The following RAP1GDS1 variants were observed in gnomAD, a reference collection of about 807,000 sequenced individuals.
RAP1GDS1 encodes Rap1 GTPase-GDP dissociation stimulator 1, also known as RAP1, GTP-GDP dissociation stimulator 1.
RAP1GDS1 carries 35 observed loss-of-function variants against 71.1 expected under a neutral mutation model. That is an observed-to-expected ratio of 0.49 (90% CI 0.38 to 0.65). The LOEUF (loss-of-function observed/expected upper bound fraction) is 0.65. RAP1GDS1 is among the 30% of genes least tolerant of loss of function. The probability of loss-of-function intolerance (pLI) is 0.00; values close to 1 mark genes in which losing one functional copy is unlikely to be tolerated. For synonymous variants in RAP1GDS1, 229 were observed against 243.1 expected (o/e 0.94, Z 0.54); for missense variants, 663 against 706.1 (o/e 0.94, Z 0.69).
intron 12 of RAP1GDS1, 22 bp downstream of exon 12, chr4:98,421,416 T>G: frequency 1.3e-6 from 2 of 1,569,142 alleles, no homozygotes; most frequent in Non-Finnish European, 1.7e-6. Flanking sequence ...AGGAAACTGT[T>G]CACTAGAAAA....
chr4:98,323,935 G>A (rs879470930), intron 2 of RAP1GDS1, among the ~76,000 whole-genome samples: 1,393 of 139,022 alleles, frequency 0.01, 8 homozygotes, highest in Non-Finnish European at 0.014. Context: ...CAATCAGGCA[G>A]GAGAAGGAAA....
At chr4:98,378,740 A>T (rs1741544370) in intron 4 of RAP1GDS1, among the ~76,000 whole-genome samples, 1 of 151,872 alleles carries the variant, frequency 6.6e-6, no homozygotes, top group Admixed American at 6.6e-5. Flanking sequence ...TCATATTGTA[A>T]ACTTCTAGGA....
In RAP1GDS1 at chr4:98,418,754, T is replaced by C; in HGVS notation, c.1137T>C (p.His379=). 6.2e-7 allele frequency: 1 copy of C among 1,607,444 alleles called. No individual in the cohort carries two copies. The highest frequency in any genetic ancestry group is 1.1e-5 in the South Asian group (1 of 89,500). Residue 379 remains histidine, a synonymous_variant, in exon 10 of 15, where the codon CAT becomes CAC. Coordinates refer to ENST00000408927, the MANE Select transcript of RAP1GDS1 (RefSeq NM_001100427.2). ...HVEDGNVTVQ[H]AALSALRNLA... ...AAGATGGAAATGTAACAGTACAGCA[T>C]GCAGCACTAAGTGCCCTCAGAAACC... is the stretch of plus-strand genomic sequence containing the variant.
chr4:98,397,614 T>C (rs1035489258), intron 6 of RAP1GDS1, among the ~76,000 whole-genome samples: 9 of 152,214 alleles, frequency 5.9e-5, no homozygotes, highest in African/African-American at 2.2e-4. Flanking sequence ...CTTTGACATC[T>C]GAATCCTGGA....
intron 5 of RAP1GDS1, among the ~76,000 whole-genome samples, chr4:98,390,811 A>G (rs925582682): frequency 6.6e-6 from 1 of 152,198 alleles, no homozygotes; most frequent in African/African-American, 2.4e-5. Flanking sequence ...TGTTTTTGTA[A>G]GAAAGTTTTG....
chr4:98,345,879 G>A (rs900109634), intron 3 of RAP1GDS1, among the ~76,000 whole-genome samples: 4 of 152,088 alleles, frequency 2.6e-5, no homozygotes, highest in Admixed American at 6.6e-5. Flanking sequence ...TGAGTACAGC[G>A]GTAGCAGCAT....
chr4:98,311,663 G>C (rs904760369), intron 2 of RAP1GDS1, among the ~76,000 whole-genome samples: 1 of 152,156 alleles, frequency 6.6e-6, no homozygotes, highest in Admixed American at 6.5e-5. Context: ...TTGAGACAGG[G>C]TTTTGCTTTG....
intron 4 of RAP1GDS1, among the ~76,000 whole-genome samples, chr4:98,358,943 G>A (rs1171846808): frequency 1.3e-5 from 2 of 151,550 alleles, no homozygotes. Context: ...TAAATAAAAA[G>A]TTTTAAAACC....
chr4:98,360,511 C>T (rs1738582178), intron 4 of RAP1GDS1, among the ~76,000 whole-genome samples: 1 of 152,052 alleles, frequency 6.6e-6, no homozygotes, highest in Non-Finnish European at 1.5e-5. Flanking sequence ...TTCCCCTTAC[C>T]TTTACCACTC....
intron 4 of RAP1GDS1, among the ~76,000 whole-genome samples, chr4:98,354,796 T>C (rs994921687): frequency 6.6e-6 from 1 of 152,156 alleles, no homozygotes; most frequent in Non-Finnish European, 1.5e-5. Flanking sequence ...TGATTAAGCA[T>C]AGTAAATACA....
At chr4:98,392,715 A>G (rs1743900696) in intron 6 of RAP1GDS1, among the ~76,000 whole-genome samples, 1 of 152,172 alleles carries the variant, frequency 6.6e-6, no homozygotes, top group Non-Finnish European at 1.5e-5. Context: ...AAAAAAAAGA[A>G]ATTTATTACA....
rs1751970695 is a variant in RAP1GDS1 at position 98,442,195 on chromosome 4, C to T, written c.*78C>T. 1 of 1,555,680 alleles carries T rather than the reference C, an allele frequency of 6.4e-7. No individual in the cohort carries two copies. The highest frequency in any genetic ancestry group is 8.7e-7 in the Non-Finnish European group (1 of 1,151,504). ...ATCCAGCGGCTTCTTCCGCTTCATT[C>T]TCTACCATACCACTTGTGCATGCAT... On this transcript the variant is annotated 3_prime_UTR_variant, in exon 15 of 15. Coordinates refer to ENST00000408927, the MANE Select transcript of RAP1GDS1 (RefSeq NM_001100427.2).
intron 14 of RAP1GDS1, chr4:98,441,376 C>T: frequency 1.0e-6 from 1 of 984,872 alleles, no homozygotes; most frequent in South Asian, 4.7e-5. Context: ...AAAGGGAGTC[C>T]AGTGTCACAG....
At position 98,404,169 on chromosome 4, in the gene RAP1GDS1, ATATGT is replaced by A. The variant is rs372988511; in HGVS notation, c.638-303_638-299del. ...GTCACCTTTAATTCATCCATATAAA[ATATGT>A]TATGAGAAATTTTTCTTTGACTAAA... On this transcript the variant is annotated intron_variant, in intron 6 of 14. Coordinates refer to ENST00000408927, the MANE Select transcript of RAP1GDS1 (RefSeq NM_001100427.2). Among the ~76,000 whole-genome samples the A allele has an allele frequency of 5.7e-3, 862 of 152,294 alleles. 8 individuals carry two copies. Among genetic ancestry groups the A allele is most frequent in the South Asian group, 0.018 (89 of 4,830 alleles).
intron 5 of RAP1GDS1, among the ~76,000 whole-genome samples, chr4:98,391,378 T>A (rs150384762): frequency 6.6e-6 from 1 of 152,202 alleles, no homozygotes; most frequent in East Asian, 1.9e-4. Context: ...ATATTTTAGG[T>A]AACTTTTTTT....
rs534087826 is a variant in RAP1GDS1, at chr4:98,302,712, G to GA, written c.112+9203dup. ...TTTAAAGATAAAAACAAATACAGAG[G>GA]AAAAAATCCTCAAGGCCTCCATGCA... is the stretch of plus-strand genomic sequence containing the variant. On this transcript the variant is annotated intron_variant, in intron 2 of 14. Coordinates refer to ENST00000408927, the MANE Select transcript of RAP1GDS1 (RefSeq NM_001100427.2). Among the ~76,000 whole-genome samples the GA allele has an allele frequency of 1.2e-3, 175 of 152,082 alleles. 1 individual carries two copies. In the South Asian group the frequency reaches 0.018, roughly 16 times the overall value.
At chr4:98,311,092 G>C (rs1276381043) in intron 2 of RAP1GDS1, among the ~76,000 whole-genome samples, 1 of 152,266 alleles carries the variant, frequency 6.6e-6, no homozygotes, top group Admixed American at 6.5e-5. Context: ...TAATTTTCTA[G>C]AGGATGCCAA....
In RAP1GDS1 at chr4:98,308,297, C is replaced by CTATATATATATATATATATA. The variant is rs779815305; in HGVS notation, c.112+14798_112+14817dup. Among the ~76,000 whole-genome samples, 50 of 73,190 alleles carry CTATATATATATATATATATA rather than the reference C, an allele frequency of 6.8e-4. 1 individual carries two copies. The highest frequency in any genetic ancestry group is 1.2e-3 in the South Asian group (2 of 1,622). The allele number at this position is 73,190 out of a possible 152,430, so 48.0% of individuals were successfully genotyped here. A position where few individuals can be genotyped will look rare whatever the true frequency, so the allele number is the denominator to read the frequency against. On this transcript the variant is annotated intron_variant, in intron 2 of 14. Coordinates refer to ENST00000408927, the MANE Select transcript of RAP1GDS1 (RefSeq NM_001100427.2). ...ACACACATATATATACACACACACACTATATATATATATATATATATATAT... is the reference window on the plus strand; with the variant it reads ...ACACACATATATATACACACACACACTATATATATATATATATATATATATATATATATATATATATATAT...
At chr4:98,264,627 A>G (rs1722484785) in intron 1 of RAP1GDS1, among the ~76,000 whole-genome samples, 2 of 152,188 alleles carry the variant, frequency 1.3e-5, no homozygotes, top group Non-Finnish European at 2.9e-5. Flanking sequence ...TAATCTTAGC[A>G]GGAACAATAT....
Sources: allele counts gnomAD v4.1 joint callset (sites outside exome capture counted in the v4.1 genomes callset), GRCh38; gene constraint gnomAD v4.1.1; transcripts MANE v1.5; gene names NCBI Gene and HGNC (gene_info 2026-07-23, HGNC 2026-07-21).